The following TAF1A variants were observed in gnomAD, a reference collection of about 807,000 sequenced individuals.
TAF1A encodes TATA-box binding protein associated factor, RNA polymerase I subunit A, also known as TATA box-binding protein-associated factor RNA polymerase I subunit A.
In TAF1A, 42 loss-of-function variants were observed where a neutral mutation model predicts 61.6. The observed-to-expected ratio is 0.68, with a 90% CI of 0.53 to 0.88. The LOEUF (loss-of-function observed/expected upper bound fraction) is 0.88, where lower values mean the gene tolerates loss of function less well. Ranked by LOEUF, TAF1A falls within the 40% of genes least tolerant of loss-of-function variation. The pLI is 0.00. For missense variants in TAF1A, 424 were observed against 518.7 expected, an observed-to-expected ratio of 0.82 and a Z score of 1.77; for synonymous variants, 179 against 177.7, an observed-to-expected ratio of 1.01 and a Z score of -0.06.
In TAF1A at chr1:222,577,533, C is replaced by G; in HGVS notation, c.516G>C (p.Arg172=). 1.2e-6 allele frequency: 2 copies of G among 1,613,920 alleles called. No homozygotes were observed. ...CCTGAATAAGGTTGATTAATATTTC[C>G]CGGGAAGACGTATTTTCACCATGTC... ...TWRHGENTSS[R]EILINLIQAY... The change falls in exon 5 of 11, where the codon CGG becomes CGC. Residue 172 remains arginine, a synonymous_variant. Transcript: ENST00000352967.
At chr1:222,568,131 A>G (rs1455713716) in intron 7 of TAF1A, among the ~76,000 whole-genome samples, 1 of 151,996 alleles carries the variant, frequency 6.6e-6, no homozygotes, top group Non-Finnish European at 1.5e-5. Flanking sequence ...CCACAAAAAA[A>G]TAGCTAAAAA....
Position 222,569,594 on chromosome 1 carries a change from T to C in TAF1A, c.810A>G (p.Pro270=), listed in dbSNP as rs758291259. The change falls in exon 7 of 11, where the codon CCA becomes CCG. Residue 270 remains proline, a synonymous_variant. Transcript: ENST00000352967. ...AGTAGATATGGGCATTTGGATTTGA[T>C]GGAAACTTTTCATCATATGCATAAT... ...LTNYAYDEKF[P]SNPNAHIYLY... is the part of the protein sequence containing the mutation. The C allele has an allele frequency of 3.1e-6, 5 of 1,614,078 alleles. No individual in the cohort carries two copies. The Admixed American group carries it at 8.3e-5, about 27-fold the overall frequency.
chr1:222,588,420 C>T (rs1466029461), intron 2 of TAF1A, 23 bp downstream of exon 2: 1 of 1,608,270 alleles, frequency 6.2e-7, no homozygotes, highest in East Asian at 2.2e-5. Flanking sequence ...GTTAAAATGG[C>T]TCAATGTTAT....
At chr1:222,559,796 T>G (rs866205115) in intron 10 of TAF1A, among the ~76,000 whole-genome samples, 4 of 152,112 alleles carry the variant, frequency 2.6e-5, no homozygotes, top group Middle Eastern at 3.4e-3. Flanking sequence ...ACAGGCACAC[T>G]GCATGCCACC....
At chr1:222,585,117 C>A (rs1370906556) in intron 2 of TAF1A, among the ~76,000 whole-genome samples, 1 of 152,202 alleles carries the variant, frequency 6.6e-6, no homozygotes, top group Non-Finnish European at 1.5e-5. Context: ...GGTGAAAACA[C>A]AGGTGTTGAA....
chr1:222,557,700 G>C (rs763498543), downstream of TAF1A, among the ~76,000 whole-genome samples: 1 of 151,278 alleles, frequency 6.6e-6, no homozygotes, highest in East Asian at 2.0e-4. Context: ...CATGATCTTA[G>C]ACTGCTGTGC....
chr1:222,574,401 T>C (rs1324487685), intron 5 of TAF1A, among the ~76,000 whole-genome samples: 1 of 152,156 alleles, frequency 6.6e-6, no homozygotes, highest in Non-Finnish European at 1.5e-5. Flanking sequence ...AGATTGTCGG[T>C]AAAGTACAAA....
intron 2 of TAF1A, 59 bp from the exon 3 acceptor site, chr1:222,584,356 A>C: frequency 1.3e-6 from 2 of 1,492,356 alleles, no homozygotes; most frequent in South Asian, 2.6e-5. Context: ...AACTATTCAA[A>C]AAACTTACTT....
intron 3 of TAF1A, among the ~76,000 whole-genome samples, chr1:222,580,621 T>C (rs1255507369): frequency 1.3e-5 from 2 of 152,282 alleles, no homozygotes; most frequent in East Asian, 3.9e-4. Context: ...ATATTATCAT[T>C]TGATATAAGG....
intron 2 of TAF1A, among the ~76,000 whole-genome samples, chr1:222,585,571 C>T (rs1331150759): frequency 6.6e-6 from 1 of 152,086 alleles, no homozygotes; most frequent in Non-Finnish European, 1.5e-5. Flanking sequence ...TTTGGCCTCC[C>T]AAAGTGCTGG....
chr1:222,585,630 C>T (rs768697116), intron 2 of TAF1A, among the ~76,000 whole-genome samples: 4 of 152,020 alleles, frequency 2.6e-5, no homozygotes, highest in African/African-American at 4.8e-5. Context: ...GTTTAATACA[C>T]GTTATATTGA....
chr1:222,564,442 C>T (rs555290596), intron 7 of TAF1A, among the ~76,000 whole-genome samples: 3 of 150,834 alleles, frequency 2.0e-5, no homozygotes, highest in South Asian at 2.1e-4. Flanking sequence ...CAACTAAAAA[C>T]GATTTCTTTC....
chr1:222,589,817 G>C lies in TAF1A; in HGVS notation c.-93C>G, dbSNP rs150126565. 1.0e-4 allele frequency: 38 copies of C among 371,652 alleles called. No homozygotes were observed. The East Asian group carries it at 1.4e-3, about 14-fold the overall frequency. The allele number at this position is 371,652 out of a possible 1,614,324, so 23.0% of individuals were successfully genotyped here. ...ATTCCCACCGGAAGACGAGTTAGGA[G>C]AGCTTTATATGAGCAGGCGCTAAAC... On this transcript the variant is annotated 5_prime_UTR_variant, in exon 1 of 11. Coordinates refer to ENST00000352967, the MANE Select transcript of TAF1A (RefSeq NM_005681.4).
intron 3 of TAF1A, among the ~76,000 whole-genome samples, chr1:222,581,433 G>C (rs576798443): frequency 1.2e-4 from 19 of 152,164 alleles, no homozygotes; most frequent in African/African-American, 3.6e-4. Context: ...AAACCTATGA[G>C]ACACTCATGT....
At chr1:222,582,395 T>C (rs1171564312) in intron 3 of TAF1A, among the ~76,000 whole-genome samples, 1 of 152,248 alleles carries the variant, frequency 6.6e-6, no homozygotes. Context: ...ACCAGGATGA[T>C]GCCACTTCAC....
chr1:222,584,078 A>AC, intron 3 of TAF1A, 50 bp downstream of exon 3: 1 of 1,584,310 alleles, frequency 6.3e-7, no homozygotes, highest in Non-Finnish European at 8.5e-7. Flanking sequence ...CTGTAGGCAT[A>AC]AACTTCTGGG....
At chr1:222,576,612 G>A (rs1660581300) in intron 5 of TAF1A, among the ~76,000 whole-genome samples, 1 of 152,174 alleles carries the variant, frequency 6.6e-6, no homozygotes, top group Non-Finnish European at 1.5e-5. Flanking sequence ...AGGGGAATCA[G>A]TTTGAGAACT....
intron 8 of TAF1A, among the ~76,000 whole-genome samples, chr1:222,563,650 G>C (rs1371478346): frequency 3.9e-5 from 6 of 152,212 alleles, no homozygotes; most frequent in Non-Finnish European, 5.9e-5. Context: ...CCTAGGACCA[G>C]CTTGGGCTTA....
chr1:222,580,380 T>C (rs186321544), intron 3 of TAF1A, among the ~76,000 whole-genome samples: 1 of 152,286 alleles, frequency 6.6e-6, no homozygotes, highest in Non-Finnish European at 1.5e-5. Context: ...TATGGACAAA[T>C]CTTAATAAAA....
Sources: allele counts gnomAD v4.1 joint callset (sites outside exome capture counted in the v4.1 genomes callset), GRCh38; gene constraint gnomAD v4.1.1; transcripts MANE v1.5; gene names NCBI Gene and HGNC (gene_info 2026-07-23, HGNC 2026-07-21).